ERI1: variants seen among roughly 807,000 people sequenced by gnomAD.
The protein encoded by ERI1 is 3'-5' exoribonuclease 1.
Under a neutral mutation model 39.7 loss-of-function variants are expected in ERI1, and 39 were observed. The ratio of observed to expected loss-of-function variants is 0.98; its 90% CI spans 0.76 to 1.28. The LOEUF (loss-of-function observed/expected upper bound fraction) is 1.28. Ranked by LOEUF, ERI1 falls within the 50% of genes most tolerant of loss-of-function variation. The probability of loss-of-function intolerance (pLI) is 0.00; values close to 1 mark genes in which losing one functional copy is unlikely to be tolerated. For missense variants in ERI1, 581 were observed against 416.9 expected, an observed-to-expected ratio of 1.39 and a Z score of -3.43; for synonymous variants, 204 against 149.6, an observed-to-expected ratio of 1.36 and a Z score of -2.65.
At chr8:9,029,443 C>G (rs1797428149) in intron 6 of ERI1, among the ~76,000 whole-genome samples, 1 of 152,158 alleles carries the variant, frequency 6.6e-6, no homozygotes, top group Admixed American at 6.5e-5. Flanking sequence ...GTTCTCCTGC[C>G]TCAGCCTCCC....
Position 9,041,055 on chromosome 8 carries a change from G to A in ERI1, n.299+20591G>A, listed in dbSNP as rs1418463360. Among the ~76,000 whole-genome samples the A allele has an allele frequency of 3.9e-5, 6 of 152,160 alleles. No homozygotes were observed. The East Asian group carries it at 9.6e-4, about 24-fold the overall frequency. On this transcript the variant is annotated intron_variant and non_coding_transcript_variant, in intron 3 of 3. Coordinates refer to the ERI1 transcript ENST00000518663. ...AGCTGAGCCCCCAGGCACTTGCTCC[G>A]CTGAGTGTTTCAGCGATTACGCTGC... is the stretch of plus-strand genomic sequence containing the variant.
chr8:9,054,400 C>A (rs767168357), intron 3 of ERI1, among the ~76,000 whole-genome samples: 1 of 152,034 alleles, frequency 6.6e-6, no homozygotes, highest in Non-Finnish European at 1.5e-5. Context: ...TGTTTCTATT[C>A]TTTATGTAAT....
intron 3 of ERI1, among the ~76,000 whole-genome samples, chr8:9,089,550 G>A (rs1418536484): frequency 2.6e-5 from 4 of 152,224 alleles, no homozygotes; most frequent in Admixed American, 2.6e-4. Flanking sequence ...GGAAGAAAAT[G>A]CCCTATGAGG....
intron 3 of ERI1, among the ~76,000 whole-genome samples, chr8:9,076,077 T>C (rs7844789): frequency 0.05 from 7,579 of 152,138 alleles, 566 homozygotes; most frequent in African/African-American, 0.16. Flanking sequence ...CTTGGGACTA[T>C]GAGTGTATTC....
intron 2 of ERI1, among the ~76,000 whole-genome samples, chr8:9,010,453 C>CAAT (rs1816543394): frequency 6.6e-6 from 1 of 152,076 alleles, no homozygotes; most frequent in East Asian, 1.9e-4. Flanking sequence ...AGCAAAGAAA[C>CAAT]AATATTAAGA....
intron 6 of ERI1, among the ~76,000 whole-genome samples, chr8:9,026,702 T>G (rs918734048): frequency 1.3e-5 from 2 of 152,232 alleles, no homozygotes; most frequent in African/African-American, 4.8e-5. Flanking sequence ...AAATTCTCAT[T>G]GGAGCATTTC....
intron 3 of ERI1, among the ~76,000 whole-genome samples, chr8:9,063,893 C>G (rs1798782686): frequency 6.6e-6 from 1 of 151,866 alleles, no homozygotes; most frequent in Admixed American, 6.6e-5. Flanking sequence ...CTTGAGAACA[C>G]AGGCTAAGGG....
chr8:9,035,056 A>G (rs1372150931), downstream of ERI1, among the ~76,000 whole-genome samples: 2 of 152,352 alleles, frequency 1.3e-5, no homozygotes, highest in South Asian at 2.1e-4. Context: ...GAGGTAAGGA[A>G]GCTGCAGAAG....
chr8:9,026,052 A>G (rs1042032069), intron 6 of ERI1, among the ~76,000 whole-genome samples: 6 of 152,156 alleles, frequency 3.9e-5, no homozygotes, highest in South Asian at 4.1e-4. Flanking sequence ...TGATGCTACC[A>G]ATAAGCAATA....
chr8:9,024,108 C>T (rs1011430399), intron 6 of ERI1, among the ~76,000 whole-genome samples: 1 of 152,102 alleles, frequency 6.6e-6, no homozygotes, highest in Admixed American at 6.6e-5. Flanking sequence ...CCAAAAATGA[C>T]CTTCTATCCA....
chr8:9,040,064 G>A (rs1308277853), intron 3 of ERI1, among the ~76,000 whole-genome samples: 1 of 152,210 alleles, frequency 6.6e-6, no homozygotes, highest in East Asian at 1.9e-4. Flanking sequence ...ATTGTTCTGT[G>A]GATGAGTTTT....
At chr8:9,062,717 A>C (rs1407525917) in intron 3 of ERI1, 1 of 151,476 alleles carries the variant, frequency 6.6e-6, no homozygotes, top group African/African-American at 2.4e-5. Context: ...TAAGCTGAGA[A>C]GATCTGGGAA....
At chr8:9,007,372 A>G (rs1816131096) in intron 1 of ERI1, among the ~76,000 whole-genome samples, 2 of 152,220 alleles carry the variant, frequency 1.3e-5, no homozygotes, top group African/African-American at 4.8e-5. Flanking sequence ...AGGTTAAAAA[A>G]TTATCAGAAG....
chr8:9,047,164 C>T (rs1563355302), intron 3 of ERI1, among the ~76,000 whole-genome samples: 2 of 152,186 alleles, frequency 1.3e-5, no homozygotes, highest in Non-Finnish European at 2.9e-5. Context: ...TAGATATTCA[C>T]CTACTTAGGA....
At chr8:9,088,887 G>A (rs535464842) in intron 3 of ERI1, among the ~76,000 whole-genome samples, 3 of 152,212 alleles carry the variant, frequency 2.0e-5, no homozygotes, top group Non-Finnish European at 4.4e-5. Flanking sequence ...CCCTGACCAG[G>A]TCATGCGGGT....
At chr8:9,004,989 A>G (rs891218564) in intron 1 of ERI1, among the ~76,000 whole-genome samples, 9 of 152,144 alleles carry the variant, frequency 5.9e-5, no homozygotes, top group African/African-American at 7.2e-5. Flanking sequence ...GCGCCTGGCC[A>G]TGATACAGTG....
chr8:9,050,571 G>C (rs1432316951), intron 3 of ERI1, among the ~76,000 whole-genome samples: 4 of 151,996 alleles, frequency 2.6e-5, no homozygotes, highest in African/African-American at 7.3e-5. Context: ...GATTTTCTAG[G>C]TCTATTCCTG....
chr8:9,067,381 CAT>C (rs879283528), intron 3 of ERI1, among the ~76,000 whole-genome samples: 189 of 69,088 alleles, frequency 2.7e-3, no homozygotes, highest in African/African-American at 7.4e-3. Context: ...AACCTGTGTG[CAT>C]GTGTGTGTGT....
intron 3 of ERI1, among the ~76,000 whole-genome samples, chr8:9,079,758 C>G (rs1799315118): frequency 6.6e-6 from 1 of 152,108 alleles, no homozygotes; most frequent in South Asian, 2.1e-4. Context: ...CAGCCTTGAC[C>G]TCCCCAGGCT....
Sources: allele counts gnomAD v4.1 joint callset (sites outside exome capture counted in the v4.1 genomes callset), GRCh38; gene constraint gnomAD v4.1.1; transcripts MANE v1.5; gene names NCBI Gene and HGNC (gene_info 2026-07-23, HGNC 2026-07-21).